Variants in MTNAP1 observed in about 807,000 individuals in gnomAD.
MTNAP1 encodes mitochondrial nucleoid-associated protein 1.
chr17:73,242,242 A>G, the MTNAP1 span: 1 of 1,568,568 alleles, frequency 6.4e-7, no homozygotes, highest in Non-Finnish European at 8.7e-7. Context: ...TTGGAACCAT[A>G]GTTTCTTTGT....
the MTNAP1 span, chr17:73,232,533 T>G: frequency 4.2e-6 from 2 of 471,108 alleles, no homozygotes; most frequent in South Asian, 7.8e-5. Flanking sequence ...AATTCAATTA[T>G]GTCATAATAA....
chr17:73,242,304 C>T, the MTNAP1 span: 1 of 1,606,416 alleles, frequency 6.2e-7, no homozygotes, highest in South Asian at 1.1e-5. Context: ...GCCGGACTTA[C>T]AACCTCCAAC....
At chr17:73,247,195 C>T in the MTNAP1 span, 1 of 1,562,836 alleles carries the variant, frequency 6.4e-7, no homozygotes, top group Non-Finnish European at 8.8e-7. Context: ...CGACAGAAAC[C>T]ATATGCCCTG....
At chr17:73,245,586 T>G in the MTNAP1 span, 10 of 985,256 alleles carry the variant, frequency 1.0e-5, no homozygotes, top group Non-Finnish European at 1.2e-5. Flanking sequence ...CTACTACCTA[T>G]ATGTTGATAC....
the MTNAP1 span, chr17:73,235,814 A>C: frequency 6.2e-7 from 1 of 1,614,214 alleles, no homozygotes; most frequent in Non-Finnish European, 8.5e-7. Context: ...GCAGATAAAG[A>C]CATCAAGAAT....
At chr17:73,245,838 C>A in the MTNAP1 span, 2 of 539,966 alleles carry the variant, frequency 3.7e-6, no homozygotes, top group Non-Finnish European at 4.7e-6. Flanking sequence ...TAATAATGAA[C>A]CGGTGGCTAA....
the MTNAP1 span, chr17:73,248,289 C>T: frequency 3.5e-6 from 2 of 573,658 alleles, no homozygotes; most frequent in African/African-American, 3.8e-5. Flanking sequence ...CCCACAGAAG[C>T]CAGTACGCTT....
the MTNAP1 span, among the ~76,000 whole-genome samples, chr17:73,234,773 C>CTGTGTGTGTGTGTG: frequency 1.0e-2 from 1,456 of 146,038 alleles, 16 homozygotes; most frequent in Middle Eastern, 0.028. Context: ...TTATGTATAT[C>CTGTGTGTGTGTGTG]TGTGTGTGTG....
chr17:73,239,520 C>CT, the MTNAP1 span, among the ~76,000 whole-genome samples: 57,966 of 141,304 alleles, frequency 0.41, 12,236 homozygotes, highest in South Asian at 0.49. Flanking sequence ...CTTCAGACAT[C>CT]TTTTTTTTTT....
the MTNAP1 span, among the ~76,000 whole-genome samples, chr17:73,234,467 C>A: frequency 1.2e-4 from 18 of 151,622 alleles, no homozygotes; most frequent in African/African-American, 4.4e-4. Flanking sequence ...CGAAGGCGGG[C>A]AGATCACGAA....
the MTNAP1 span, among the ~76,000 whole-genome samples, chr17:73,246,163 G>A: frequency 6.6e-6 from 1 of 152,160 alleles, no homozygotes; most frequent in Non-Finnish European, 1.5e-5. Context: ...GCACACACCC[G>A]TCTGTCTCAG....
the MTNAP1 span, chr17:73,245,307 TG>T: frequency 7.0e-7 from 1 of 1,420,356 alleles, no homozygotes; most frequent in African/African-American, 1.5e-5. Context: ...GAGAGGGGAG[TG>T]AAAAAAATAA....
At chr17:73,235,801 AAG>A in the MTNAP1 span, 1 of 1,614,208 alleles carries the variant, frequency 6.2e-7, no homozygotes, top group Non-Finnish European at 8.5e-7. Flanking sequence ...AGCTACTACA[AAG>A]GCAGATAAAG....
At chr17:73,239,260 C>T in the MTNAP1 span, among the ~76,000 whole-genome samples, 11 of 151,906 alleles carry the variant, frequency 7.2e-5, no homozygotes, top group Non-Finnish European at 1.3e-4. Context: ...GTTGCAGATG[C>T]ACACACTCCC....
At chr17:73,241,195 T>C in the MTNAP1 span, among the ~76,000 whole-genome samples, 1 of 152,092 alleles carries the variant, frequency 6.6e-6, no homozygotes, top group Non-Finnish European at 1.5e-5. Flanking sequence ...TCTTGCTCTG[T>C]TGCCCAGGCT....
At chr17:73,236,598 T>C in the MTNAP1 span, 8 of 1,614,086 alleles carry the variant, frequency 5.0e-6, no homozygotes, top group Admixed American at 1.3e-4. Context: ...CGCAGTCAAG[T>C]AGTCAAAGTC....
At chr17:73,240,221 A>C in the MTNAP1 span, among the ~76,000 whole-genome samples, 1 of 152,248 alleles carries the variant, frequency 6.6e-6, no homozygotes, top group Non-Finnish European at 1.5e-5. Context: ...AACTATTTTA[A>C]TCCCTTTTAT....
the MTNAP1 span, among the ~76,000 whole-genome samples, chr17:73,246,728 A>G: frequency 6.6e-6 from 1 of 152,228 alleles, no homozygotes; most frequent in African/African-American, 2.4e-5. Context: ...TAAGGTATTC[A>G]GCAATATATC....
the MTNAP1 span, chr17:73,248,474 C>T: frequency 3.7e-5 from 57 of 1,551,256 alleles, no homozygotes; most frequent in East Asian, 1.0e-3. Flanking sequence ...TGGAGTGCCC[C>T]GCTAGGTAAG....
Sources: allele counts gnomAD v4.1 joint callset (sites outside exome capture counted in the v4.1 genomes callset), GRCh38; gene constraint gnomAD v4.1.1; transcripts MANE v1.5; gene names NCBI Gene and HGNC (gene_info 2026-07-23, HGNC 2026-07-21).